The following ZNF106 variants were observed in gnomAD, a reference collection of about 807,000 sequenced individuals.
ZNF106 encodes the protein zinc finger protein 106, also known as SH3-domain binding protein 3.
In ZNF106, 67 loss-of-function variants were observed where a neutral mutation model predicts 195.1. The observed-to-expected ratio is 0.34, with a 90% CI of 0.28 to 0.42. The LOEUF (loss-of-function observed/expected upper bound fraction) is 0.42, where lower values mean the gene tolerates loss of function less well. Ranked by LOEUF, ZNF106 falls within the 10% of genes least tolerant of loss-of-function variation. ZNF106 has a pLI of 1.00. For synonymous variants in ZNF106, 784 were observed against 818.6 expected (o/e 0.96, Z 0.72); for missense variants, 2,118 against 2,304.5 (o/e 0.92, Z 1.66).
chr15:42,432,533 C>T (rs547774447), intron 14 of ZNF106, among the ~76,000 whole-genome samples: 3 of 152,018 alleles, frequency 2.0e-5, no homozygotes, highest in Admixed American at 6.6e-5. Flanking sequence ...TATCTATTTC[C>T]ATTCTTATTC....
intron 3 of ZNF106, 128 bp downstream of exon 3, chr15:42,465,925 A>T: frequency 1.5e-6 from 1 of 671,900 alleles, no homozygotes; most frequent in Non-Finnish European, 2.3e-6. Flanking sequence ...TATTAATTCT[A>T]AAAGGTTGTT....
chr15:42,430,607 A>G (rs2055015400), intron 14 of ZNF106, among the ~76,000 whole-genome samples: 1 of 150,784 alleles, frequency 6.6e-6, no homozygotes, highest in Non-Finnish European at 1.5e-5. Context: ...CTGTTCTTGA[A>G]CTCCTGGGCT....
intron 14 of ZNF106, among the ~76,000 whole-genome samples, chr15:42,434,514 T>C (rs1567003114): frequency 2.6e-5 from 4 of 152,292 alleles, no homozygotes; most frequent in Admixed American, 2.0e-4. Context: ...ATAAGATCCT[T>C]GTCCTAGCAC....
rs2054434720 is a variant in ZNF106 at position 42,415,753 on chromosome 15, T to A, written c.*1551A>T. The A allele has an allele frequency of 5.8e-6, 1 of 171,190 alleles. No homozygotes were observed. The highest frequency in any genetic ancestry group is 2.8e-5 in the African/African-American group (1 of 36,090). The allele number at this position is 171,190 out of a possible 1,614,324, so 10.6% of individuals were successfully genotyped here. On this transcript the variant is annotated 3_prime_UTR_variant, in exon 22 of 22. Coordinates refer to ENST00000564754, the MANE Select transcript of ZNF106 (RefSeq NM_001366845.3). The stretch of plus-strand genomic sequence containing the variant: ...GAAGAAGCTGAGTTTTTTTTTTTTT[T>A]TTTGAGACGGAGTCTCACTCTGTCA...
Position 42,413,131 on chromosome 15 carries a change from A to C in ZNF106, c.*4173T>G, listed in dbSNP as rs747445341. The C allele has an allele frequency of 4.6e-5, 7 of 152,198 alleles. No individual in the cohort carries two copies. Among genetic ancestry groups the C allele is most frequent in the South Asian group, 2.1e-4 (1 of 4,830 alleles). 9.4% of individuals were successfully genotyped at this position (152,198 alleles called of 1,614,324 possible). A position where few individuals can be genotyped will look rare whatever the true frequency, so the allele number is the denominator to read the frequency against. On this transcript the variant is annotated 3_prime_UTR_variant, in exon 22 of 22. Coordinates refer to ENST00000564754, the MANE Select transcript of ZNF106 (RefSeq NM_001366845.3). Reference sequence around the variant, plus strand: ...GGGTCACTACCTTGAATTTAGAGTGAATCTGGGAAATGTAGTCACCAGGTA... The same window carrying C: ...GGGTCACTACCTTGAATTTAGAGTGCATCTGGGAAATGTAGTCACCAGGTA...
At chr15:42,419,685 C>G (rs1331573851) in intron 20 of ZNF106, among the ~76,000 whole-genome samples, 2 of 152,250 alleles carry the variant, frequency 1.3e-5, no homozygotes, top group Non-Finnish European at 2.9e-5. Flanking sequence ...GGCACTGTGG[C>G]TCACGCCTGT....
intron 1 of ZNF106, among the ~76,000 whole-genome samples, chr15:42,476,334 C>G (rs557654912): frequency 6.6e-6 from 1 of 152,276 alleles, no homozygotes; most frequent in South Asian, 2.1e-4. Flanking sequence ...TAGATGGGAA[C>G]CACTGCTCTT....
rs1324503933 is a variant in ZNF106 at position 42,415,762 on chromosome 15, G to A, written c.*1542C>T. ...GAGTTTTTTTTTTTTTTTTTGAGAC[G>A]GAGTCTCACTCTGTCACCAGGCTGG... On this transcript the variant is annotated 3_prime_UTR_variant, in exon 22 of 22. Transcript: ENST00000564754. 22 of 168,866 alleles carry A rather than the reference G, an allele frequency of 1.3e-4. No homozygotes were observed. Among genetic ancestry groups the A allele is most frequent in the South Asian group, 5.8e-4 (5 of 8,646 alleles). The allele number at this position is 168,866 out of a possible 1,614,324, so 10.5% of individuals were successfully genotyped here.
At position 42,435,422 on chromosome 15, in the gene ZNF106, C is replaced by G. The variant is rs377456978; in HGVS notation, c.4843G>C (p.Gly1615Arg). ...TSGKNAALYT[G>R]SSDHTIRCYN... ...CAGCGGATGGTATGGTCACTGGACC[C>G]GGTGTAAAGGGCAGCATTCTTCCCG... Residue 1615 changes from glycine (G) to arginine (R), a missense_variant, in exon 14 of 22, where the codon GGG becomes CGG. Coordinates refer to ENST00000564754, the MANE Select transcript of ZNF106 (RefSeq NM_001366845.3). The G allele has an allele frequency of 6.2e-7, 1 of 1,614,020 alleles. No individual in the cohort carries two copies. Among genetic ancestry groups the G allele is most frequent in the Non-Finnish European group, 8.5e-7 (1 of 1,180,040 alleles).
intron 21 of ZNF106, 57 bp downstream of exon 21, chr15:42,417,748 C>T (rs773776524): frequency 7.7e-5 from 118 of 1,538,094 alleles, no homozygotes; most frequent in Admixed American, 3.0e-4. Flanking sequence ...GGTTTGCTAG[C>T]CCCTGCTCTG....
intron 1 of ZNF106, among the ~76,000 whole-genome samples, chr15:42,476,609 T>C (rs1237497828): frequency 2.0e-5 from 3 of 152,154 alleles, no homozygotes; most frequent in Non-Finnish European, 4.4e-5. Context: ...CTTCATCTCA[T>C]TGTTAACAGT....
At chr15:42,461,192 A>T (rs1283137143) in intron 3 of ZNF106, among the ~76,000 whole-genome samples, 1 of 152,212 alleles carries the variant, frequency 6.6e-6, no homozygotes, top group African/African-American at 2.4e-5. Context: ...GCTTCAACAT[A>T]GTGTTTGGGA....
chr15:42,438,735 T>C (rs916282836), intron 11 of ZNF106, 68 bp from the exon 12 acceptor site: 2 of 1,463,600 alleles, frequency 1.4e-6, no homozygotes, highest in East Asian at 4.7e-5. Flanking sequence ...AGTAAAAATT[T>C]CTGACTCAAA....
chr15:42,454,565 G>GAA, intron 4 of ZNF106, among the ~76,000 whole-genome samples: 1 of 143,192 alleles, frequency 7.0e-6, no homozygotes, highest in African/African-American at 2.5e-5. Flanking sequence ...AAGGAAAAAA[G>GAA]AAAAAAAAAA....
rs112069903 is a variant in ZNF106, at chr15:42,435,401, G to A, written c.4864C>T (p.Arg1622Cys). 4.3e-4 allele frequency: 698 copies of A among 1,614,090 alleles called. 5 individuals are homozygous for A. The African/African-American group carries it at 5.0e-3, about 12-fold the overall frequency. ...LYTGSSDHTI[R>C]CYNVKSRECV... Reference sequence around the variant, plus strand: ...CCACCTACCTTAACATTATAGCAGCGGATGGTATGGTCACTGGACCCGGTG... The same window carrying A: ...CCACCTACCTTAACATTATAGCAGCAGATGGTATGGTCACTGGACCCGGTG... Residue 1622 changes from arginine (R) to cysteine (C), a missense_variant, in exon 14 of 22, where the codon CGC becomes TGC. Physicochemically the swap from Arg to Cys is radical, Grantham distance 180 (BLOSUM62 -3). Transcript: ENST00000564754.
intron 2 of ZNF106, among the ~76,000 whole-genome samples, chr15:42,467,177 T>C (rs2056539267): frequency 6.6e-6 from 1 of 152,010 alleles, no homozygotes; most frequent in Non-Finnish European, 1.5e-5. Flanking sequence ...CACATACACA[T>C]ACACAAAACT....
chr15:42,420,572 C>T (rs1198804443), intron 20 of ZNF106, among the ~76,000 whole-genome samples: 2 of 151,966 alleles, frequency 1.3e-5, no homozygotes, highest in African/African-American at 4.8e-5. Flanking sequence ...GGAAAAGCTA[C>T]CATTGTTAGA....
At position 42,413,727 on chromosome 15, in the gene ZNF106, A is replaced by T. The variant is rs1403356492; in HGVS notation, c.*3577T>A. 2.0e-5 allele frequency: 3 copies of T among 152,650 alleles called. No homozygotes were observed. In the East Asian group the frequency reaches 5.8e-4, roughly 29 times the overall value. The allele number at this position is 152,650 out of a possible 1,614,324, so 9.5% of individuals were successfully genotyped here. A position where few individuals can be genotyped will look rare whatever the true frequency, so the allele number is the denominator to read the frequency against. On this transcript the variant is annotated 3_prime_UTR_variant, in exon 22 of 22. Coordinates refer to ENST00000564754, the MANE Select transcript of ZNF106 (RefSeq NM_001366845.3). ...AAATTAAAGGTAAGTCAGGAGCTGA[A>T]CACTCAACTGTTAACTCTTCTGGGG...
At chr15:42,418,689 A>AT (rs1455588341) in intron 20 of ZNF106, among the ~76,000 whole-genome samples, 2 of 151,914 alleles carry the variant, frequency 1.3e-5, no homozygotes, top group Non-Finnish European at 2.9e-5. Flanking sequence ...CGAAAGGGCT[A>AT]TTTTTAACAA....
Sources: allele counts gnomAD v4.1 joint callset (sites outside exome capture counted in the v4.1 genomes callset), GRCh38; gene constraint gnomAD v4.1.1; transcripts MANE v1.5; gene names NCBI Gene and HGNC (gene_info 2026-07-23, HGNC 2026-07-21).